CERT1: variants seen among roughly 807,000 people sequenced by gnomAD.
The protein encoded by CERT1 is ceramide transporter 1.
A neutral mutation model predicts 87.9 loss-of-function variants in CERT1; 31 were observed. The ratio of observed to expected loss-of-function variants is 0.35; its 90% CI spans 0.27 to 0.48. The LOEUF (loss-of-function observed/expected upper bound fraction) is 0.48, where lower values mean the gene tolerates loss of function less well. CERT1 is among the 20% of genes least tolerant of loss of function. The pLI, the probability that CERT1 is intolerant of heterozygous loss-of-function variation, is 0.99. For synonymous variants in CERT1, 289 were observed against 250.9 expected (o/e 1.15, Z -1.44); for missense variants, 487 against 758.0 (o/e 0.64, Z 4.20).
chr5:75,368,744 G>T (rs1305663787), intron 17 of CERT1: 1 of 152,104 alleles, frequency 6.6e-6, no homozygotes, highest in Non-Finnish European at 1.5e-5. Context: ...GTGGGATTTT[G>T]TAAGACACAT....
intron 1 of CERT1, among the ~76,000 whole-genome samples, chr5:75,509,724 C>G (rs1296255331): frequency 2.0e-5 from 3 of 152,118 alleles, no homozygotes; most frequent in Non-Finnish European, 4.4e-5. Flanking sequence ...GTCAGCTTCC[C>G]ATCTTATGAG....
At chr5:75,455,996 CATT>C (rs927746759) in intron 3 of CERT1, among the ~76,000 whole-genome samples, 8 of 152,268 alleles carry the variant, frequency 5.3e-5, no homozygotes, top group African/African-American at 1.9e-4. Context: ...TAGCTCCTAT[CATT>C]ATCATCATTA....
intron 8 of CERT1, among the ~76,000 whole-genome samples, chr5:75,407,180 T>G (rs1488709430): frequency 6.6e-6 from 1 of 152,120 alleles, no homozygotes; most frequent in Non-Finnish European, 1.5e-5. Context: ...TAAAGTGCAT[T>G]TCAAATAGGT....
chr5:75,393,248 C>G (rs1216120531), intron 11 of CERT1, among the ~76,000 whole-genome samples: 1 of 151,694 alleles, frequency 6.6e-6, no homozygotes, highest in Non-Finnish European at 1.5e-5. Context: ...TTTTTCTGGA[C>G]CTAGAGTTGA....
chr5:75,419,321 G>A lies in CERT1; in HGVS notation c.679+20C>T, dbSNP rs1373287546. ...TGAAAGTATATTTTATCCAGCTGAGGGGAAAAATGTATTACTTACACTTTT... is the reference window on the plus strand; with the variant it reads ...TGAAAGTATATTTTATCCAGCTGAGAGGAAAAATGTATTACTTACACTTTT... On this transcript the variant is annotated intron_variant, in intron 6 of 16. Coordinates refer to ENST00000643780, the MANE Select transcript of CERT1 (RefSeq NM_001379029.1). 6.7e-6 allele frequency: 10 copies of A among 1,494,760 alleles called. No individual in the cohort carries two copies. In the East Asian group the frequency reaches 2.1e-4, roughly 31 times the overall value. The allele number at this position is 1,494,760 out of a possible 1,614,324, so 92.6% of individuals were successfully genotyped here.
chr5:75,389,844 G>A (rs1024893237), intron 11 of CERT1, among the ~76,000 whole-genome samples, 157 bp from the exon 12 acceptor site: 3 of 152,210 alleles, frequency 2.0e-5, no homozygotes, highest in Non-Finnish European at 4.4e-5. Context: ...TGTTTGAAGA[G>A]TTTAGTCCAC....
intron 11 of CERT1, among the ~76,000 whole-genome samples, chr5:75,397,919 T>TGAG (rs567450427): frequency 4.7e-4 from 72 of 152,264 alleles, no homozygotes; most frequent in Admixed American, 1.5e-3. Flanking sequence ...CTTGGGAGGC[T>TGAG]GAGGCAGGAG....
At chr5:75,432,272 G>T (rs1164155734) in intron 3 of CERT1, among the ~76,000 whole-genome samples, 1 of 152,098 alleles carries the variant, frequency 6.6e-6, no homozygotes, top group Non-Finnish European at 1.5e-5. Flanking sequence ...AGCCAGGATG[G>T]TCTCGATCTC....
At chr5:75,433,889 G>C (rs772725886) in intron 3 of CERT1, among the ~76,000 whole-genome samples, 61 of 152,242 alleles carry the variant, frequency 4.0e-4, no homozygotes, top group South Asian at 1.7e-3. Flanking sequence ...GAGCCTTTGG[G>C]CAGAGACTAT....
intron 11 of CERT1, among the ~76,000 whole-genome samples, chr5:75,394,518 TAGC>T (rs1762169016): frequency 6.6e-6 from 1 of 151,392 alleles, no homozygotes; most frequent in Non-Finnish European, 1.5e-5. Flanking sequence ...ATAAATAAAA[TAGC>T]AGCCTGGGCA....
rs994452863 is a variant in CERT1 at position 75,488,662 on chromosome 5, G to A, written c.231+17320C>T. On this transcript the variant is annotated intron_variant, in intron 2 of 16. Transcript: ENST00000643780. Reference sequence around the variant, plus strand: ...ACATTTTTTTTCTAAGTTTAAAAACGCTGCTCCCTGTTGCCTTCTTTCTTA... The same window carrying A: ...ACATTTTTTTTCTAAGTTTAAAAACACTGCTCCCTGTTGCCTTCTTTCTTA... 5.3e-5 allele frequency among the ~76,000 whole-genome samples: 8 copies of A among 152,048 alleles called. 1 individual carries two copies. The South Asian group carries it at 1.2e-3, about 24-fold the overall frequency.
intron 12 of CERT1, among the ~76,000 whole-genome samples, chr5:75,386,625 CTT>C (rs1761795947): frequency 6.6e-6 from 1 of 152,142 alleles, no homozygotes. Flanking sequence ...GATAAATACT[CTT>C]GAGAAATGAA....
At chr5:75,403,905 T>C (rs1762602110) in intron 8 of CERT1, among the ~76,000 whole-genome samples, 1 of 152,162 alleles carries the variant, frequency 6.6e-6, no homozygotes, top group African/African-American at 2.4e-5. Flanking sequence ...AAGATAAACA[T>C]ACAAAGAACA....
chr5:75,411,116 A>G lies in CERT1; in HGVS notation c.838-13T>C. On this transcript the variant is annotated splice_polypyrimidine_tract_variant and intron_variant, in intron 7 of 16. Transcript: ENST00000643780. ...TCTTCTCAGTTTCCTATTAAAAAGA[A>G]GTGAAAAATCTGTAATTTGAGGCAG... The G allele has an allele frequency of 6.9e-7, 1 of 1,454,632 alleles. No homozygotes were observed. Among genetic ancestry groups the G allele is most frequent in the Non-Finnish European group, 9.5e-7 (1 of 1,057,906 alleles). 90.1% of individuals were successfully genotyped at this position (1,454,632 alleles called of 1,614,324 possible).
intron 2 of CERT1, among the ~76,000 whole-genome samples, chr5:75,484,471 A>G (rs1313409738): frequency 6.7e-6 from 1 of 149,550 alleles, no homozygotes; most frequent in Non-Finnish European, 1.5e-5. Context: ...TTAAAAAAAA[A>G]AAAAGCAAGA....
chr5:75,412,712 G>C (rs1436989482), intron 7 of CERT1, among the ~76,000 whole-genome samples: 2 of 152,130 alleles, frequency 1.3e-5, no homozygotes, highest in Non-Finnish European at 2.9e-5. Context: ...AAAAGGGACA[G>C]GAAAAATATG....
intron 3 of CERT1, among the ~76,000 whole-genome samples, chr5:75,443,177 A>C (rs1461874457): frequency 1.3e-5 from 2 of 152,084 alleles, no homozygotes; most frequent in Non-Finnish European, 2.9e-5. Context: ...TTTTAGTTCC[A>C]ATGATTTTCT....
At chr5:75,444,947 A>T (rs2112258833) in intron 3 of CERT1, among the ~76,000 whole-genome samples, 2 of 152,294 alleles carry the variant, frequency 1.3e-5, no homozygotes, top group South Asian at 4.1e-4. Context: ...GATATTTAAC[A>T]TCCTGAAATT....
intron 3 of CERT1, among the ~76,000 whole-genome samples, chr5:75,427,807 A>C (rs980862925): frequency 3.9e-5 from 6 of 152,166 alleles, no homozygotes; most frequent in Admixed American, 1.3e-4. Context: ...AGTAAACATC[A>C]ATTTTTTTTT....
Sources: allele counts gnomAD v4.1 joint callset (sites outside exome capture counted in the v4.1 genomes callset), GRCh38; gene constraint gnomAD v4.1.1; transcripts MANE v1.5; gene names NCBI Gene and HGNC (gene_info 2026-07-23, HGNC 2026-07-21).